EEF1D: variants seen among roughly 807,000 people sequenced by gnomAD.
EEF1D encodes eukaryotic translation elongation factor 1 delta.
EEF1D carries 47 observed loss-of-function variants against 63.9 expected under a neutral mutation model. The observed-to-expected ratio is 0.74, with a 90% confidence interval of 0.58 to 0.94. The LOEUF is 0.94. EEF1D is among the 40% of genes least tolerant of loss of function. The probability of loss-of-function intolerance (pLI) is 0.00; values close to 1 mark genes in which losing one functional copy is unlikely to be tolerated. For synonymous variants in EEF1D, 412 were observed against 386.1 expected (o/e 1.07, Z -0.79); for missense variants, 907 against 899.0 (o/e 1.01, Z -0.11).
chr8:143,584,802 A>G (rs924112523), intron 5 of EEF1D, among the ~76,000 whole-genome samples: 1 of 151,882 alleles, frequency 6.6e-6, no homozygotes, highest in Non-Finnish European at 1.5e-5. Flanking sequence ...CTCCCTTCAA[A>G]CCTCACGTGA....
At chr8:143,593,528 G>A (rs552841693) in intron 1 of EEF1D, among the ~76,000 whole-genome samples, 20 of 152,278 alleles carry the variant, frequency 1.3e-4, no homozygotes, top group African/African-American at 4.3e-4. Flanking sequence ...CGGGAGCTCC[G>A]GCCCCAGGGC....
intron 4 of EEF1D, 81 bp downstream of exon 4, chr8:143,586,648 C>A: frequency 6.4e-7 from 1 of 1,564,440 alleles, no homozygotes; most frequent in South Asian, 1.1e-5. Context: ...GCCTTCCTGG[C>A]CTGGCTGAAT....
In EEF1D at chr8:143,579,777, A is replaced by G; in HGVS notation, c.*15T>C. On this transcript the variant is annotated 3_prime_UTR_variant, in exon 10 of 10. Transcript: ENST00000618139. ...CAGGGCCTCACGCACGCGCGCACGT[A>G]CACACACTCAGGCTTCAGATCTTGT... 1 of 1,551,400 alleles carries G rather than the reference A, an allele frequency of 6.4e-7. No individual in the cohort carries two copies.
rs761177817 is a variant in EEF1D at position 143,589,110 on chromosome 8, G to A, written c.972C>T (p.Ser324=). ...CGGCAGCGTGGTGGCGGCACTCGGCGCTGTCGTAGGCAGGCTTGCTGAGCC... is the reference window on the plus strand; with the variant it reads ...CGGCAGCGTGGTGGCGGCACTCGGCACTGTCGTAGGCAGGCTTGCTGAGCC... ...APWLSKPAYD[S]AECRHHAAEA... is the part of the protein sequence containing the mutation. Residue 324 remains serine (S), a synonymous_variant, in exon 3 of 10, where the codon AGC becomes AGT. Coordinates refer to ENST00000618139, the MANE Select transcript of EEF1D (RefSeq NM_001130053.5). 13 of 1,609,870 alleles carry A rather than the reference G, an allele frequency of 8.1e-6. No homozygotes were observed. The highest frequency in any genetic ancestry group is 1.1e-5 in the South Asian group (1 of 90,698).
At position 143,590,094 on chromosome 8, in the gene EEF1D, G is replaced by A; in HGVS notation, c.1-13C>T. On this transcript the variant is annotated splice_polypyrimidine_tract_variant and intron_variant, in intron 2 of 9. Coordinates refer to ENST00000618139, the MANE Select transcript of EEF1D (RefSeq NM_001130053.5). ...TCCCGCTCCTCATCTTCCGGACACA[G>A]CGATAAAAAGCAAGCAGAGGGCAGA... The A allele has an allele frequency of 2.5e-6, 4 of 1,598,284 alleles. No individual in the cohort carries two copies. Among genetic ancestry groups the A allele is most frequent in the Non-Finnish European group, 3.4e-6 (4 of 1,179,862 alleles).
chr8:143,592,835 C>T (rs373769793), intron 1 of EEF1D, 175 bp from the exon 2 acceptor site: 7 of 299,378 alleles, frequency 2.3e-5, no homozygotes, highest in Non-Finnish European at 3.5e-5. Context: ...ACAGACCCGC[C>T]GCCACCACAA....
At chr8:143,583,602 A>G (rs1298878417) in intron 5 of EEF1D, 1 of 152,296 alleles carries the variant, frequency 6.6e-6, no homozygotes, top group Non-Finnish European at 1.5e-5. Flanking sequence ...GGCACAAAGG[A>G]GCACCCCACC....
intron 4 of EEF1D, 60 bp downstream of exon 4, chr8:143,586,669 T>C (rs1423866729): frequency 1.3e-6 from 2 of 1,587,274 alleles, no homozygotes; most frequent in Non-Finnish European, 1.7e-6. Context: ...CCGCTTTGTG[T>C]GCCCCGGCCA....
chr8:143,580,963 T>C (rs915883336), intron 7 of EEF1D, 91 bp downstream of exon 7: 5 of 1,410,956 alleles, frequency 3.5e-6, no homozygotes, highest in Non-Finnish European at 4.9e-6. Context: ...TGCCAGCTCA[T>C]CACTGCTGCT....
In EEF1D at chr8:143,589,388, C is replaced by G; in HGVS notation, c.694G>C (p.Val232Leu). ...TCATACCGGGGCTTCTCCAGCCACACCTCCCGAACCAGTGCCTGCAGGCTG... is the reference window on the plus strand; with the variant it reads ...TCATACCGGGGCTTCTCCAGCCACAGCTCCCGAACCAGTGCCTGCAGGCTG... ...LGSLQALVRE[V>L]WLEKPRYDAA... Residue 232 changes from valine (V) to leucine (L), a missense_variant, in exon 3 of 10, where the codon GTG becomes CTG. Val to Leu is a conservative substitution (Grantham distance 32). Coordinates refer to ENST00000618139, the MANE Select transcript of EEF1D (RefSeq NM_001130053.5). 6.5e-7 allele frequency: 1 copy of G among 1,542,622 alleles called. No homozygotes were observed. Among genetic ancestry groups the G allele is most frequent in the East Asian group, 2.4e-5 (1 of 42,392 alleles).
intron 1 of EEF1D, among the ~76,000 whole-genome samples, chr8:143,595,378 G>C (rs1437261845): frequency 6.6e-6 from 1 of 151,614 alleles, no homozygotes; most frequent in Non-Finnish European, 1.5e-5. Context: ...CCTAATTTTC[G>C]TATTTTTAGT....
At chr8:143,587,064 C>T (rs1826802345) in intron 3 of EEF1D, 1 of 536,388 alleles carries the variant, frequency 1.9e-6, no homozygotes, top group Non-Finnish European at 3.2e-6. Context: ...GTCCGAGAAC[C>T]TCTGAGGGTC....
At chr8:143,580,958 G>T in intron 7 of EEF1D, 96 bp downstream of exon 7, 1 of 1,379,936 alleles carries the variant, frequency 7.2e-7, no homozygotes. Flanking sequence ...CTGGCTGCCA[G>T]CTCATCACTG....
chr8:143,593,844 C>G (rs1828371002), intron 1 of EEF1D: 2 of 985,432 alleles, frequency 2.0e-6, no homozygotes, highest in Non-Finnish European at 2.4e-6. Flanking sequence ...CCTCATTTCC[C>G]CGCTTCCCGC....
rs997033363 is a variant in EEF1D at position 143,585,662 on chromosome 8, G to A, written c.1287+557C>T. On this transcript the variant is annotated intron_variant, in intron 5 of 9. Transcript: ENST00000618139. ...CCTCCCGGAGGACACCCCTTCCCCA[G>A]CCAGCCTGTCAGGCCACAGCTACTG... Among the ~76,000 whole-genome samples, 3 of 152,338 alleles carry A rather than the reference G, an allele frequency of 2.0e-5. No individual in the cohort carries two copies. The East Asian group carries it at 5.8e-4, about 29-fold the overall frequency.
rs544277503 is a variant in EEF1D at position 143,590,633 on chromosome 8, G to T, written c.1-552C>A. On this transcript the variant is annotated intron_variant, in intron 2 of 9. Coordinates refer to ENST00000618139, the MANE Select transcript of EEF1D (RefSeq NM_001130053.5). ...AAAAGAAGGAGCCTCGGCCAGGCAC[G>T]GTGGCTCACACCTGTAATCCCAACA... The T allele has an allele frequency of 3.0e-5, 30 of 1,008,848 alleles. No individual in the cohort carries two copies. The African/African-American group carries it at 4.7e-4, about 16-fold the overall frequency. 62.5% of individuals were successfully genotyped at this position (1,008,848 alleles called of 1,614,324 possible).
In EEF1D at chr8:143,581,222, G is replaced by A. The variant is rs777897534; in HGVS notation, c.1387+7C>T. 1 of 1,612,768 alleles carries A rather than the reference G, an allele frequency of 6.2e-7. No individual in the cohort carries two copies. The highest frequency in any genetic ancestry group is 8.5e-7 in the Non-Finnish European group (1 of 1,179,944). On this transcript the variant is annotated splice_region_variant and intron_variant, in intron 6 of 9. Transcript: ENST00000618139. ...GACAGCCCCAACCCACTGGCCCGGG[G>A]CCTCACCGCCACGCAGACTCTGGTT... is the stretch of plus-strand genomic sequence containing the variant.
chr8:143,583,182 G>A (rs1433285439), intron 5 of EEF1D: 1 of 152,274 alleles, frequency 6.6e-6, no homozygotes, highest in Non-Finnish European at 1.5e-5. Context: ...GGATGACCGT[G>A]TGAAGACATG....
In EEF1D at chr8:143,589,197, A is replaced by G. The variant is rs778673794; in HGVS notation, c.885T>C (p.Asp295=). The G allele has an allele frequency of 1.1e-5, 17 of 1,593,108 alleles. No homozygotes were observed. The highest frequency in any genetic ancestry group is 1.7e-6 in the Non-Finnish European group (2 of 1,168,374). Residue 295 remains aspartate (D), a synonymous_variant, in exon 3 of 10, where the codon GAT becomes GAC. Coordinates refer to ENST00000618139, the MANE Select transcript of EEF1D (RefSeq NM_001130053.5). ...GNKRAGLRRA[D]GEAPSALPYC... is the part of the protein sequence containing the mutation. ...AGGGCAAGGCAGAGGGGGCCTCCCCATCGGCCCGTCGCAGCCCGGCCCGCT... is the reference window on the plus strand; with the variant it reads ...AGGGCAAGGCAGAGGGGGCCTCCCCGTCGGCCCGTCGCAGCCCGGCCCGCT...
Sources: gnomAD v4.1 joint callset for allele counts (sites outside exome capture counted in the v4.1 genomes callset) on GRCh38, gnomAD v4.1.1 for gene constraint, MANE v1.5 for transcripts, NCBI Gene and HGNC (gene_info 2026-07-23, HGNC 2026-07-21) for gene names.